FILIP1L: variants seen among roughly 807,000 people sequenced by gnomAD.
FILIP1L encodes the protein filamin A interacting protein 1 like.
In FILIP1L, 55 loss-of-function variants were observed where a neutral mutation model predicts 96.6. The observed-to-expected ratio is 0.57, with a 90% CI of 0.46 to 0.71. The LOEUF is 0.71. Ranked by LOEUF, FILIP1L falls within the 30% of genes least tolerant of loss-of-function variation. The pLI is 0.00. For synonymous variants in FILIP1L, 467 were observed against 473.9 expected, an observed-to-expected ratio of 0.99 and a Z score of 0.19; for missense variants, 1,304 against 1,321.2, an observed-to-expected ratio of 0.99 and a Z score of 0.20.
intron 1 of FILIP1L, among the ~76,000 whole-genome samples, chr3:99,935,091 C>T (rs983807894): frequency 6.6e-6 from 1 of 152,076 alleles, no homozygotes; most frequent in East Asian, 1.9e-4. Flanking sequence ...AATTAAGTAT[C>T]TAGAGGAAGA....
intron 1 of FILIP1L, among the ~76,000 whole-genome samples, chr3:99,966,823 C>G (rs2107711331): frequency 6.6e-6 from 1 of 152,292 alleles, no homozygotes; most frequent in Middle Eastern, 3.4e-3. Flanking sequence ...TTCAACAGAG[C>G]ATGCCGTACT....
At chr3:100,048,710 G>A (rs1241999963) in intron 1 of FILIP1L, among the ~76,000 whole-genome samples, 2 of 152,124 alleles carry the variant, frequency 1.3e-5, no homozygotes, top group African/African-American at 4.8e-5. Flanking sequence ...ATCAAGTCCA[G>A]GTGGGTTTTA....
At chr3:99,870,668 G>A (rs561576255) in intron 4 of FILIP1L, among the ~76,000 whole-genome samples, 28 of 152,316 alleles carry the variant, frequency 1.8e-4, no homozygotes, top group African/African-American at 6.5e-4. Flanking sequence ...TACTGCTGAG[G>A]AGAATTATAA....
chr3:100,042,701 GT>G (rs932516016), intron 1 of FILIP1L, among the ~76,000 whole-genome samples: 8 of 151,990 alleles, frequency 5.3e-5, no homozygotes, highest in African/African-American at 1.7e-4. Context: ...TAGAGAACAG[GT>G]TTTTTTTCTT....
chr3:99,925,750 C>A, intron 3 of FILIP1L: 1 of 538,336 alleles, frequency 1.9e-6, no homozygotes, highest in Non-Finnish European at 2.4e-6. Flanking sequence ...CCCAAGTGCA[C>A]TTGGTGGAAG....
At chr3:100,033,760 G>C (rs2065060720) in intron 1 of FILIP1L, among the ~76,000 whole-genome samples, 1 of 152,126 alleles carries the variant, frequency 6.6e-6, no homozygotes, top group Non-Finnish European at 1.5e-5. Flanking sequence ...ACTCAGCCCT[G>C]TTCTTGCTCC....
intron 3 of FILIP1L, among the ~76,000 whole-genome samples, chr3:99,927,212 C>A (rs1238582353): frequency 6.6e-6 from 1 of 152,204 alleles, no homozygotes; most frequent in Non-Finnish European, 1.5e-5. Flanking sequence ...CTTTTCAATA[C>A]ATATTAACTA....
intron 1 of FILIP1L, among the ~76,000 whole-genome samples, chr3:100,020,760 C>CT (rs34665880): frequency 0.46 from 32,889 of 71,246 alleles, 10,333 homozygotes; most frequent in East Asian, 0.63. Flanking sequence ...GAATAATTAG[C>CT]TTTTTTTTTT....
intron 1 of FILIP1L, among the ~76,000 whole-genome samples, chr3:100,071,093 T>C (rs2065755190): frequency 6.9e-6 from 1 of 144,606 alleles, no homozygotes; most frequent in Non-Finnish European, 1.5e-5. Context: ...ACTCTCTCTT[T>C]TTTTTTTTTT....
At position 99,849,152 on chromosome 3, in the gene FILIP1L, C is replaced by T; in HGVS notation, c.2524G>A (p.Gly842Arg). The T allele has an allele frequency of 6.2e-7, 1 of 1,614,102 alleles. No individual in the cohort carries two copies. The highest frequency in any genetic ancestry group is 1.7e-5 in the Admixed American group (1 of 60,016). ...ENQDEDPNDEGSVLSFKCSQS... is the reference protein window; with the variant it reads ...ENQDEDPNDERSVLSFKCSQS... ...CTGCATTTGAAGGACAGCACAGATC[C>T]CTCATCATTAGGGTCCTCGTCTTGA... is the stretch of plus-strand genomic sequence containing the variant. The change falls in exon 5 of 6, where the codon GGA becomes AGA. Residue 842 changes from glycine to arginine, a missense_variant. Coordinates refer to ENST00000477258, the MANE Select transcript of FILIP1L (RefSeq NM_001387850.1).
chr3:99,957,398 A>G (rs1158327279), intron 1 of FILIP1L, among the ~76,000 whole-genome samples: 2 of 152,222 alleles, frequency 1.3e-5, no homozygotes, highest in Non-Finnish European at 2.9e-5. Flanking sequence ...TTTCACAAAT[A>G]GTTGTGATAT....
At chr3:99,960,608 T>G (rs1039270355) in intron 1 of FILIP1L, among the ~76,000 whole-genome samples, 2 of 152,160 alleles carry the variant, frequency 1.3e-5, no homozygotes, top group Non-Finnish European at 2.9e-5. Context: ...TCCTACAGTC[T>G]TTTTACCTGC....
intron 1 of FILIP1L, among the ~76,000 whole-genome samples, chr3:100,065,230 A>G (rs138761514): frequency 0.011 from 1,637 of 152,244 alleles, 35 homozygotes; most frequent in African/African-American, 0.036. Context: ...CCATCCAGCA[A>G]TCTGTGTTTT....
chr3:100,094,706 G>C (rs1247900757), intron 1 of FILIP1L, among the ~76,000 whole-genome samples: 1 of 85,510 alleles, frequency 1.2e-5, no homozygotes, highest in Non-Finnish European at 2.1e-5. Context: ...TTTTTTTTGA[G>C]ACAGTCTCGC....
At chr3:99,946,178 G>A (rs1375623392) in intron 1 of FILIP1L, among the ~76,000 whole-genome samples, 2 of 152,190 alleles carry the variant, frequency 1.3e-5, no homozygotes, top group African/African-American at 2.4e-5. Context: ...TATAGCAAAA[G>A]CATTTTAAAA....
At chr3:99,856,151 G>A (rs1943954532) in intron 4 of FILIP1L, among the ~76,000 whole-genome samples, 1 of 151,804 alleles carries the variant, frequency 6.6e-6, no homozygotes, top group Non-Finnish European at 1.5e-5. Flanking sequence ...GTCCTCATAG[G>A]ACTCTCAGGA....
chr3:99,982,401 G>A lies in FILIP1L; in HGVS notation c.-10-51371C>T, dbSNP rs115324184. Among the ~76,000 whole-genome samples, 707 of 151,758 alleles carry A rather than the reference G, an allele frequency of 4.7e-3. 7 individuals carry two copies. The highest frequency in any genetic ancestry group is 0.016 in the African/African-American group (670 of 41,366). On this transcript the variant is annotated intron_variant, in intron 1 of 5. Coordinates refer to ENST00000477258, the MANE Select transcript of FILIP1L (RefSeq NM_001387850.1). ...TTCAACCAGGCTAGCATGTAGTGGC[G>A]CATTCATGGCTCAAACCCATCGTCA... is the stretch of plus-strand genomic sequence containing the variant.
At chr3:100,006,543 G>A (rs913323303) in intron 1 of FILIP1L, among the ~76,000 whole-genome samples, 2 of 151,864 alleles carry the variant, frequency 1.3e-5, no homozygotes, top group Admixed American at 6.6e-5. Flanking sequence ...TAGTCATGAA[G>A]GCTATCATTC....
At chr3:100,009,077 A>C (rs1385467621) in intron 1 of FILIP1L, among the ~76,000 whole-genome samples, 1 of 152,216 alleles carries the variant, frequency 6.6e-6, no homozygotes, top group Non-Finnish European at 1.5e-5. Context: ...GTAGACTTAA[A>C]AGGAAAAATA....
Sources: gnomAD v4.1 joint callset for allele counts (sites outside exome capture counted in the v4.1 genomes callset) on GRCh38, gnomAD v4.1.1 for gene constraint, MANE v1.5 for transcripts, NCBI Gene and HGNC (gene_info 2026-07-23, HGNC 2026-07-21) for gene names.